PCDHA9: variants seen among roughly 807,000 people sequenced by gnomAD.
PCDHA9 encodes protocadherin alpha-9.
Under a neutral mutation model 62.0 loss-of-function variants are expected in PCDHA9, and 62 were observed. That is an observed-to-expected ratio of 1.00 (90% CI 0.81 to 1.23). The LOEUF is 1.23. Among genes scored for constraint, PCDHA9 ranks in the 50% most tolerant of loss-of-function variants. The pLI, the probability that PCDHA9 is intolerant of heterozygous loss-of-function variation, is 0.00. For synonymous variants in PCDHA9, 557 were observed against 567.6 expected (o/e 0.98, Z 0.27); for missense variants, 1,205 against 1,249.8 (o/e 0.96, Z 0.54).
At chr5:140,883,366 C>T (rs34923516) in intron 1 of PCDHA9, 1 of 1,614,174 alleles carries the variant, frequency 6.2e-7, no homozygotes, top group South Asian at 1.1e-5. Context: ...CTCAGCCTAG[C>T]GCCATTATTG....
intron 1 of PCDHA9, chr5:140,875,557 G>C: frequency 5.6e-6 from 9 of 1,614,064 alleles, no homozygotes; most frequent in Non-Finnish European, 7.6e-6. Flanking sequence ...GGTGGGGAGC[G>C]GCCAGCTCCA....
At chr5:140,931,817 C>A (rs2087768963) in intron 1 of PCDHA9, among the ~76,000 whole-genome samples, 1 of 151,876 alleles carries the variant, frequency 6.6e-6, no homozygotes, top group Non-Finnish European at 1.5e-5. Context: ...GAAAAGAATT[C>A]TTGTCATAGT....
rs1554253792 is a variant in PCDHA9 at position 140,993,501 on chromosome 5, C to CACAT, written c.2542+10941_2542+10942insTACA. ...ACACACACACACACACACACACACA[C>CACAT]ACACACACGGGGAGAGAGAGACAGA... is the stretch of plus-strand genomic sequence containing the variant. On this transcript the variant is annotated intron_variant, in intron 3 of 3. Transcript: ENST00000532602. Among the ~76,000 whole-genome samples, 4 of 149,100 alleles carry CACAT rather than the reference C, an allele frequency of 2.7e-5. No individual in the cohort carries two copies. In the East Asian group the frequency reaches 5.8e-4, roughly 22 times the overall value.
chr5:140,947,347 G>A (rs1554218167), intron 1 of PCDHA9, among the ~76,000 whole-genome samples: 1 of 151,534 alleles, frequency 6.6e-6, no homozygotes, highest in Non-Finnish European at 1.5e-5. Context: ...CTTAATTCTG[G>A]ACTCTATTTC....
intron 1 of PCDHA9, chr5:140,871,241 C>CGCT (rs1268066555): frequency 1.2e-6 from 2 of 1,613,972 alleles, no homozygotes; most frequent in African/African-American, 2.7e-5. Context: ...CTGGTACTCA[C>CGCT]GCTGCTGCTG....
intron 1 of PCDHA9, among the ~76,000 whole-genome samples, chr5:140,921,342 TA>T (rs1311011800): frequency 6.6e-6 from 1 of 152,188 alleles, no homozygotes; most frequent in African/African-American, 2.4e-5. Flanking sequence ...AATCACATAA[TA>T]TATTTGCCTA....
Position 140,968,974 on chromosome 5 carries a change from G to A in PCDHA9, c.2395-9975G>A, listed in dbSNP as rs17119326. 3.9e-3 allele frequency: 6,227 copies of A among 1,614,174 alleles called. 151 individuals carry two copies. The African/African-American group carries it at 0.06, about 16-fold the overall frequency. On this transcript the variant is annotated intron_variant, in intron 1 of 3. Coordinates refer to ENST00000532602, the MANE Select transcript of PCDHA9 (RefSeq NM_031857.2). Reference sequence around the variant, plus strand: ...TCATCAAGTGCTACCGCTACACTGCGTATGGCACTGCATGCTGTGGAGGCT... The same window carrying A: ...TCATCAAGTGCTACCGCTACACTGCATATGGCACTGCATGCTGTGGAGGCT...
intron 1 of PCDHA9, among the ~76,000 whole-genome samples, chr5:140,920,841 T>TAAA (rs781921146): frequency 2.7e-5 from 3 of 109,230 alleles, no homozygotes; most frequent in East Asian, 2.6e-4. Context: ...AGACCAAATC[T>TAAA]AAAAAAAAAA....
intron 1 of PCDHA9, among the ~76,000 whole-genome samples, chr5:140,965,098 A>G (rs1554227430): frequency 6.6e-6 from 1 of 152,244 alleles, no homozygotes; most frequent in African/African-American, 2.4e-5. Flanking sequence ...GTCCATAGCT[A>G]GAAAATGACC....
chr5:140,874,093 TG>T, intron 1 of PCDHA9, among the ~76,000 whole-genome samples: 2 of 152,364 alleles, frequency 1.3e-5, no homozygotes, highest in Middle Eastern at 6.8e-3. Context: ...AATTCAAATA[TG>T]TTTTTAATTA....
intron 1 of PCDHA9, among the ~76,000 whole-genome samples, chr5:140,962,829 C>CT (rs1342441888): frequency 6.6e-6 from 1 of 152,190 alleles, no homozygotes; most frequent in East Asian, 1.9e-4. Flanking sequence ...CCATTTGTCT[C>CT]TTTTTTATTA....
At position 140,876,752 on chromosome 5, in the gene PCDHA9, C is replaced by G. The variant is rs374137138; in HGVS notation, c.2394+25863C>G. On this transcript the variant is annotated intron_variant, in intron 1 of 3. Coordinates refer to ENST00000532602, the MANE Select transcript of PCDHA9 (RefSeq NM_031857.2). ...TCGGCCTATGAGCTGGTGGTGACTGCGCGGGATGGGGGCTCGCCTTCGCTG... is the reference window on the plus strand; with the variant it reads ...TCGGCCTATGAGCTGGTGGTGACTGGGCGGGATGGGGGCTCGCCTTCGCTG... 1.4e-5 allele frequency: 23 copies of G among 1,614,194 alleles called. No homozygotes were observed. The African/African-American group carries it at 2.8e-4, about 20-fold the overall frequency.
chr5:140,863,385 G>T (rs782510264), intron 1 of PCDHA9: 7 of 1,030,746 alleles, frequency 6.8e-6, no homozygotes, highest in Non-Finnish European at 1.0e-5. Context: ...CCGAGAGCTC[G>T]TGCATGCCGG....
Position 141,012,283 on chromosome 5 carries a change from AT to A in PCDHA9, c.*2350del, listed in dbSNP as rs1313163740. 6.5e-6 allele frequency: 1 copy of A among 153,798 alleles called. No homozygotes were observed. Among genetic ancestry groups the A allele is most frequent in the Non-Finnish European group, 1.5e-5 (1 of 68,046 alleles). The allele number at this position is 153,798 out of a possible 1,614,324, so 9.5% of individuals were successfully genotyped here. ...AGGATAAAACACGTCATGTGGATTC[AT>A]TTTGAATTGGTGCTATTGGTATTTC... On this transcript the variant is annotated 3_prime_UTR_variant, in exon 4 of 4. Coordinates refer to ENST00000532602, the MANE Select transcript of PCDHA9 (RefSeq NM_031857.2).
At chr5:140,867,183 G>A (rs1035791499) in intron 1 of PCDHA9, 3 of 151,946 alleles carry the variant, frequency 2.0e-5, no homozygotes, top group Non-Finnish European at 4.4e-5. Flanking sequence ...TCCCTACCTC[G>A]CAAGACTCCA....
chr5:140,865,077 A>G (rs2048727264), intron 1 of PCDHA9: 1 of 152,246 alleles, frequency 6.6e-6, no homozygotes, highest in Non-Finnish European at 1.5e-5. Flanking sequence ...TATAAGAACC[A>G]TGGGATATTA....
chr5:140,929,717 A>G (rs1408315390), intron 1 of PCDHA9: 1 of 229,936 alleles, frequency 4.3e-6, no homozygotes, highest in Non-Finnish European at 9.0e-6. Flanking sequence ...ATGGAAGGTG[A>G]AACATTTACT....
rs1167461963 is a variant in PCDHA9 at position 140,968,386 on chromosome 5, G to A, written c.2395-10563G>A. 2.5e-6 allele frequency: 4 copies of A among 1,613,910 alleles called. No homozygotes were observed. The African/African-American group carries it at 4.0e-5, about 16-fold the overall frequency. On this transcript the variant is annotated intron_variant, in intron 1 of 3. Transcript: ENST00000532602. ...ATGCTGTCAACTCCTTTGACTATGA[G>A]AAGTTTCGGGAGTTCTTTGTGACTG...
At chr5:140,893,273 A>G (rs1381847994) in intron 1 of PCDHA9, among the ~76,000 whole-genome samples, 1 of 152,150 alleles carries the variant, frequency 6.6e-6, no homozygotes, top group Non-Finnish European at 1.5e-5. Context: ...CAATAGTGGA[A>G]TTGCTGGATG....
Sources: allele counts gnomAD v4.1 joint callset (sites outside exome capture counted in the v4.1 genomes callset), GRCh38; gene constraint gnomAD v4.1.1; transcripts MANE v1.5; gene names NCBI Gene and HGNC (gene_info 2026-07-23, HGNC 2026-07-21).